The following ZNF804A variants were observed in gnomAD, a reference collection of about 807,000 sequenced individuals.
ZNF804A encodes zinc finger protein 804A.
ZNF804A carries 2 observed loss-of-function variants against 16.5 expected under a neutral mutation model. The ratio of observed to expected loss-of-function variants is 0.12; its 90% CI spans 0.05 to 0.38. The LOEUF (loss-of-function observed/expected upper bound fraction) is 0.38. ZNF804A is among the 10% of genes least tolerant of loss of function. The probability of loss-of-function intolerance (pLI) is 0.99; values close to 1 mark genes in which losing one functional copy is unlikely to be tolerated. For missense variants in ZNF804A, 1,473 were observed against 1,390.7 expected (o/e 1.06, Z -0.94); for synonymous variants, 534 against 489.6 (o/e 1.09, Z -1.20).
Position 184,909,169 on chromosome 2 carries a change from T to G in ZNF804A, c.256-24434T>G, listed in dbSNP as rs148186420. On this transcript the variant is annotated intron_variant, in intron 2 of 3. Coordinates refer to ENST00000302277, the MANE Select transcript of ZNF804A (RefSeq NM_194250.2). ...TGTTCTGTTAGGAACAAGTCTGTTT[T>G]CAACAGACAGCAACAATGAAATGAG... is the stretch of plus-strand genomic sequence containing the variant. Among the ~76,000 whole-genome samples, 1,022 of 152,230 alleles carry G rather than the reference T, an allele frequency of 6.7e-3. 4 individuals carry two copies. Among genetic ancestry groups the G allele is most frequent in the Non-Finnish European group, 0.01 (703 of 67,980 alleles).
intron 1 of ZNF804A, among the ~76,000 whole-genome samples, chr2:184,695,715 G>A (rs751719241): frequency 3.3e-5 from 5 of 151,982 alleles, no homozygotes; most frequent in African/African-American, 4.8e-5. Context: ...ACTGTGCCAG[G>A]TCTGGAAAGA....
At chr2:184,720,667 AAATGACGAT>A (rs1486198280) in intron 1 of ZNF804A, among the ~76,000 whole-genome samples, 1 of 152,180 alleles carries the variant, frequency 6.6e-6, no homozygotes, top group Admixed American at 6.6e-5. Flanking sequence ...AAAACCATTA[AAATGACGAT>A]ACTACCCAAA....
intron 2 of ZNF804A, among the ~76,000 whole-genome samples, chr2:184,869,930 G>A (rs1044613937): frequency 6.6e-6 from 1 of 151,812 alleles, no homozygotes; most frequent in Non-Finnish European, 1.5e-5. Context: ...GCTAACAGAG[G>A]GTTAAAAAGA....
At chr2:184,821,814 CACA>C (rs758188153) in intron 1 of ZNF804A, among the ~76,000 whole-genome samples, 1 of 152,028 alleles carries the variant, frequency 6.6e-6, no homozygotes, top group Admixed American at 6.6e-5. Context: ...TGAAAAAAAG[CACA>C]ACATCACTGA....
chr2:184,771,336 A>G (rs979963934), intron 1 of ZNF804A, among the ~76,000 whole-genome samples: 4 of 152,042 alleles, frequency 2.6e-5, no homozygotes, highest in African/African-American at 9.7e-5. Flanking sequence ...TTAAAAAAAA[A>G]CAAAACATGT....
At chr2:184,875,141 A>C (rs762401741) in intron 2 of ZNF804A, among the ~76,000 whole-genome samples, 7 of 152,202 alleles carry the variant, frequency 4.6e-5, no homozygotes, top group Non-Finnish European at 2.9e-5. Context: ...AAAAAGATGG[A>C]AGTCTAAAGG....
rs570876163 is a variant in ZNF804A at position 184,652,908 on chromosome 2, C to T, written c.111+53838C>T. Among the ~76,000 whole-genome samples, 6 of 152,270 alleles carry T rather than the reference C, an allele frequency of 3.9e-5. No individual in the cohort carries two copies. In the South Asian group the frequency reaches 6.2e-4, roughly 16 times the overall value. ...TTGCTAGGTTCTCATTATTCTCTCC[C>T]CTGCCACCCTATGAAAAGGTGTCTT... On this transcript the variant is annotated intron_variant, in intron 1 of 3. Transcript: ENST00000302277.
chr2:184,686,514 A>G (rs1692636218), intron 1 of ZNF804A, among the ~76,000 whole-genome samples: 1 of 152,128 alleles, frequency 6.6e-6, no homozygotes, highest in South Asian at 2.1e-4. Flanking sequence ...ATATGAGTTC[A>G]TGTGTCTTTT....
At chr2:184,803,057 G>C (rs144659039) in intron 1 of ZNF804A, among the ~76,000 whole-genome samples, 58 of 152,194 alleles carry the variant, frequency 3.8e-4, no homozygotes, top group African/African-American at 1.4e-3. Flanking sequence ...CTGAAATATA[G>C]TAAACTAAGC....
chr2:184,802,427 A>G (rs1194904279), intron 1 of ZNF804A, among the ~76,000 whole-genome samples: 2 of 152,186 alleles, frequency 1.3e-5, no homozygotes, highest in African/African-American at 4.8e-5. Context: ...TTAAGGTAAA[A>G]TCCACAAATA....
chr2:184,906,556 C>T (rs1193544488), intron 2 of ZNF804A, among the ~76,000 whole-genome samples: 2 of 152,064 alleles, frequency 1.3e-5, no homozygotes, highest in Non-Finnish European at 2.9e-5. Flanking sequence ...CTGCCTCAGC[C>T]TCTCAGAGTG....
At chr2:184,775,700 A>G (rs1317375899) in intron 1 of ZNF804A, among the ~76,000 whole-genome samples, 1 of 151,670 alleles carries the variant, frequency 6.6e-6, no homozygotes, top group African/African-American at 2.4e-5. Context: ...TATCCACGGA[A>G]GCTTGAATAC....
intron 1 of ZNF804A, among the ~76,000 whole-genome samples, chr2:184,765,175 C>T (rs1049817948): frequency 5.3e-5 from 8 of 152,008 alleles, no homozygotes; most frequent in African/African-American, 1.9e-4. Context: ...TTGTAGAGAG[C>T]CATGTAACTA....
chr2:184,933,775 C>T, intron 3 of ZNF804A, 42 bp downstream of exon 3: 1 of 1,575,912 alleles, frequency 6.3e-7, no homozygotes, highest in Non-Finnish European at 8.6e-7. Flanking sequence ...AAAACATGAC[C>T]AAAAAAGGGG....
intron 2 of ZNF804A, among the ~76,000 whole-genome samples, chr2:184,891,221 G>A (rs1255954009): frequency 1.3e-5 from 2 of 152,016 alleles, no homozygotes; most frequent in African/African-American, 4.8e-5. Context: ...TATTTTTCCT[G>A]CCCCCTGAAC....
At chr2:184,831,305 C>CTG (rs528867955) in intron 1 of ZNF804A, among the ~76,000 whole-genome samples, 18 of 151,570 alleles carry the variant, frequency 1.2e-4, no homozygotes, top group South Asian at 2.1e-4. Context: ...TTCCTTTACT[C>CTG]TGTGTGTGTG....
intron 1 of ZNF804A, among the ~76,000 whole-genome samples, chr2:184,713,778 A>G (rs1693171671): frequency 6.6e-6 from 1 of 152,008 alleles, no homozygotes; most frequent in Non-Finnish European, 1.5e-5. Flanking sequence ...ACAACTATTA[A>G]ATGCTGCCTT....
intron 1 of ZNF804A, among the ~76,000 whole-genome samples, chr2:184,602,133 AT>A (rs1691060407): frequency 1.3e-5 from 2 of 151,936 alleles, no homozygotes; most frequent in Non-Finnish European, 2.9e-5. Flanking sequence ...CAAACATAAA[AT>A]TTTGGAAAAT....
chr2:184,642,242 T>C (rs1691806461), intron 1 of ZNF804A, among the ~76,000 whole-genome samples: 1 of 152,186 alleles, frequency 6.6e-6, no homozygotes, highest in Non-Finnish European at 1.5e-5. Context: ...ATGAGTTCCC[T>C]AACTTTATGA....
Sources: allele counts gnomAD v4.1 joint callset (sites outside exome capture counted in the v4.1 genomes callset), GRCh38; gene constraint gnomAD v4.1.1; transcripts MANE v1.5; gene names NCBI Gene and HGNC (gene_info 2026-07-23, HGNC 2026-07-21).